VPS35L: variants seen among roughly 807,000 people sequenced by gnomAD.
The protein encoded by VPS35L is VPS35 endosomal protein sorting factor like, also known as VPS35 endosomal protein-sorting factor-like.
VPS35L carries 83 observed loss-of-function variants against 133.0 expected under a neutral mutation model. That is an observed-to-expected ratio of 0.62 (90% CI 0.52 to 0.75). The LOEUF (loss-of-function observed/expected upper bound fraction) is 0.75, where lower values mean the gene tolerates loss of function less well. Among genes scored for constraint, VPS35L ranks in the 30% least tolerant of loss-of-function variants. The pLI is 0.00. For synonymous variants in VPS35L, 423 were observed against 449.9 expected (o/e 0.94, Z 0.76); for missense variants, 1,083 against 1,206.8 (o/e 0.90, Z 1.52).
chr16:19,688,948 C>T (rs1307564749), intron 28 of VPS35L, among the ~76,000 whole-genome samples: 1 of 152,154 alleles, frequency 6.6e-6, no homozygotes, highest in Non-Finnish European at 1.5e-5. Context: ...CAACTAAATA[C>T]ATTCTCTTCC....
At chr16:19,623,799 ATTATTATTATTATTATTG>A (rs148281519) in intron 14 of VPS35L, among the ~76,000 whole-genome samples, 15,537 of 120,654 alleles carry the variant, frequency 0.13, 1,032 homozygotes, top group South Asian at 0.16. Flanking sequence ...TATTATTATT[ATTATTATTATTATTATTG>A]TTTTAAGACA....
chr16:19,692,298 C>T (rs909726967), intron 29 of VPS35L, among the ~76,000 whole-genome samples: 1 of 152,176 alleles, frequency 6.6e-6, no homozygotes, highest in African/African-American at 2.4e-5. Context: ...GCAGATGCTC[C>T]ATCAGTTCAT....
chr16:19,654,101 C>G (rs2151590007), intron 26 of VPS35L, among the ~76,000 whole-genome samples: 1 of 152,200 alleles, frequency 6.6e-6, no homozygotes, highest in Middle Eastern at 3.4e-3. Context: ...GCTTTTTTCC[C>G]TCTTTCTACA....
chr16:19,627,371 G>A (rs1419939351), intron 15 of VPS35L, among the ~76,000 whole-genome samples: 1 of 151,808 alleles, frequency 6.6e-6, no homozygotes, highest in East Asian at 1.9e-4. Flanking sequence ...TTAATGTTCT[G>A]TCTCATTAGT....
chr16:19,584,534 G>A (rs1359757544), intron 7 of VPS35L, among the ~76,000 whole-genome samples: 1 of 151,612 alleles, frequency 6.6e-6, no homozygotes, highest in Non-Finnish European at 1.5e-5. Flanking sequence ...AGCTGAGGCA[G>A]GAGAATCGCT....
At chr16:19,568,885 A>G (rs1467533530) in intron 2 of VPS35L, among the ~76,000 whole-genome samples, 1 of 152,094 alleles carries the variant, frequency 6.6e-6, no homozygotes, top group Non-Finnish European at 1.5e-5. Context: ...GCTTCAAGTG[A>G]TCCTTCTGCC....
At chr16:19,662,811 C>A (rs1039684399) in intron 26 of VPS35L, among the ~76,000 whole-genome samples, 3 of 152,088 alleles carry the variant, frequency 2.0e-5, no homozygotes, top group Admixed American at 6.6e-5. Context: ...TTTTCTCTTA[C>A]AATTTCTGAC....
At chr16:19,573,798 G>A (rs1287370415) in intron 4 of VPS35L, among the ~76,000 whole-genome samples, 6 of 152,056 alleles carry the variant, frequency 3.9e-5, no homozygotes, top group African/African-American at 1.4e-4. Context: ...TGGTGACAGA[G>A]TGAGACCCTA....
intron 22 of VPS35L, among the ~76,000 whole-genome samples, chr16:19,643,277 C>A (rs1008097729): frequency 6.6e-6 from 1 of 152,132 alleles, no homozygotes; most frequent in Non-Finnish European, 1.5e-5. Context: ...CAAAAAGCAT[C>A]CAGAAAGGCA....
intron 8 of VPS35L, among the ~76,000 whole-genome samples, chr16:19,600,032 C>G (rs539938218): frequency 6.6e-6 from 1 of 152,200 alleles, no homozygotes; most frequent in East Asian, 1.9e-4. Context: ...AGAGTGAGAC[C>G]CTGTCTAAGT....
intron 28 of VPS35L, 150 bp from the exon 29 acceptor site, chr16:19,691,203 G>A (rs1975667662): frequency 3.1e-6 from 2 of 641,456 alleles, no homozygotes; most frequent in Non-Finnish European, 5.7e-6. Flanking sequence ...AAGGCCCCAA[G>A]CCCAGTGGGA....
At chr16:19,670,169 C>T (rs1974828744) in intron 27 of VPS35L, among the ~76,000 whole-genome samples, 1 of 152,206 alleles carries the variant, frequency 6.6e-6, no homozygotes, top group South Asian at 2.1e-4. Context: ...AGCTCTCCGG[C>T]CTTTTGAGCA....
At chr16:19,621,226 T>C (rs905778618) in intron 14 of VPS35L, among the ~76,000 whole-genome samples, 9 of 152,084 alleles carry the variant, frequency 5.9e-5, no homozygotes, top group African/African-American at 2.2e-4. Context: ...TCTGTAATAA[T>C]ATATATCCAT....
At chr16:19,559,886 C>T (rs373978261) in intron 1 of VPS35L, among the ~76,000 whole-genome samples, 5 of 151,994 alleles carry the variant, frequency 3.3e-5, no homozygotes, top group African/African-American at 1.2e-4. Flanking sequence ...ACGGGTTTTG[C>T]CGTGTTGGCC....
At chr16:19,645,857 C>A (rs1020724587) in intron 23 of VPS35L, among the ~76,000 whole-genome samples, 1 of 152,218 alleles carries the variant, frequency 6.6e-6, no homozygotes, top group Non-Finnish European at 1.5e-5. Context: ...GAAACTATGC[C>A]GGGCAGGCAA....
intron 27 of VPS35L, among the ~76,000 whole-genome samples, chr16:19,674,184 C>CTTTTTTTTTTTTTT (rs201038834): frequency 9.9e-5 from 7 of 70,912 alleles, no homozygotes; most frequent in Admixed American, 4.4e-4. Context: ...TTTTCTTTTT[C>CTTTTTTTTTTTTTT]TTTTTTTTTT....
Position 19,682,270 on chromosome 16 carries a change from A to G in VPS35L, c.2407A>G (p.Asn803Asp), listed in dbSNP as rs1371004663. The change falls in exon 28 of 31, where the codon AAC (asparagine) becomes GAC (aspartate). Residue 803 changes from asparagine (N) to aspartate (D), a missense_variant. Asn to Asp is a conservative substitution (Grantham distance 23). Coordinates refer to ENST00000417362, the MANE Select transcript of VPS35L (RefSeq NM_020314.7). ...GVLFLVRELL[N>D]VIQDYTWEDN... ...CCTGTTTCTTGTTCGAGAGCTTCTC[A>G]ACGTGATCCAGGACTACACCTGGGA... The G allele has an allele frequency of 3.1e-6, 5 of 1,614,096 alleles. No homozygotes were observed. Among genetic ancestry groups the G allele is most frequent in the Non-Finnish European group, 4.2e-6 (5 of 1,180,022 alleles).
intron 17 of VPS35L, among the ~76,000 whole-genome samples, chr16:19,629,065 T>TA (rs1269663524): frequency 3.3e-5 from 5 of 152,188 alleles, no homozygotes; most frequent in Non-Finnish European, 5.9e-5. Flanking sequence ...CGTGAGCCAC[T>TA]TTGCCCGGCC....
chr16:19,656,584 C>T (rs1347162654), intron 26 of VPS35L, among the ~76,000 whole-genome samples: 1 of 151,732 alleles, frequency 6.6e-6, no homozygotes, highest in Non-Finnish European at 1.5e-5. Context: ...CCTTTCTGTC[C>T]TGTTTCCCCA....
Sources: allele counts gnomAD v4.1 joint callset (sites outside exome capture counted in the v4.1 genomes callset), GRCh38; gene constraint gnomAD v4.1.1; transcripts MANE v1.5; gene names NCBI Gene and HGNC (gene_info 2026-07-23, HGNC 2026-07-21).